The following WDR62 variants were observed in gnomAD, a reference collection of about 807,000 sequenced individuals.
WDR62 encodes the protein WD repeat-containing protein 62.
In WDR62, 112 loss-of-function variants were observed where a neutral mutation model predicts 160.6. That is an observed-to-expected ratio of 0.70 (90% confidence interval 0.60 to 0.82). The LOEUF is 0.82. WDR62 is among the 40% of genes least tolerant of loss of function. WDR62 has a pLI of 0.00. For missense variants in WDR62, 1,819 were observed against 1,983.8 expected, an observed-to-expected ratio of 0.92 and a Z score of 1.58; for synonymous variants, 792 against 815.1, an observed-to-expected ratio of 0.97 and a Z score of 0.48.
At chr19:36,092,271 A>G (rs1403478261) in intron 18 of WDR62, among the ~76,000 whole-genome samples, 1 of 151,510 alleles carries the variant, frequency 6.6e-6, no homozygotes, top group African/African-American at 2.4e-5. Context: ...AGATCGCGTC[A>G]CTGCACCCTA....
chr19:36,079,639 A>G (rs991414457), intron 9 of WDR62, among the ~76,000 whole-genome samples: 4 of 152,096 alleles, frequency 2.6e-5, no homozygotes, highest in African/African-American at 9.7e-5. Flanking sequence ...AAACCCTCCT[A>G]CTTTCAGCTG....
Position 36,103,726 on chromosome 19 carries a change from A to T in WDR62, c.3898A>T (p.Thr1300Ser). ...NHEARANLRL[T>S]LSSACDGLLQ... The stretch of plus-strand genomic sequence containing the variant: ...CGAGGCCCGGGCCAACCTGAGACTG[A>T]CCCTGTCAAGTGCCTGTGATGGGCT... Residue 1300 changes from threonine to serine, a missense_variant, in exon 30 of 32, where the codon ACC (threonine) becomes TCC (serine). Thr to Ser is a moderately conservative substitution (Grantham distance 58, BLOSUM62 1). Coordinates refer to ENST00000401500, the MANE Select transcript of WDR62 (RefSeq NM_001083961.2). 1 of 1,610,950 alleles carries T rather than the reference A, an allele frequency of 6.2e-7. No homozygotes were observed. Among genetic ancestry groups the T allele is most frequent in the South Asian group, 1.1e-5 (1 of 91,056 alleles).
intron 19 of WDR62, among the ~76,000 whole-genome samples, chr19:36,093,449 G>T (rs182401357): frequency 6.6e-6 from 1 of 152,292 alleles, no homozygotes; most frequent in Non-Finnish European, 1.5e-5. Flanking sequence ...TTTGGTTTGG[G>T]TATTGCTCAT....
intron 13 of WDR62, among the ~76,000 whole-genome samples, chr19:36,087,235 C>G (rs1018117082): frequency 6.7e-6 from 1 of 149,528 alleles, no homozygotes; most frequent in African/African-American, 2.5e-5. Flanking sequence ...GGCCAGGTAC[C>G]ATGGCTCACA....
chr19:36,073,230 A>C, intron 8 of WDR62, 112 bp from the exon 9 acceptor site: 1 of 1,022,694 alleles, frequency 9.8e-7, no homozygotes, highest in South Asian at 1.3e-5. Flanking sequence ...ATGGATGGCC[A>C]CAAATACCAT....
intron 3 of WDR62, among the ~76,000 whole-genome samples, chr19:36,063,861 A>T (rs1406090997): frequency 6.6e-6 from 1 of 152,220 alleles, no homozygotes; most frequent in Non-Finnish European, 1.5e-5. Context: ...CTTGTTCCTC[A>T]CCAAACTTTC....
downstream of WDR62, among the ~76,000 whole-genome samples, chr19:36,108,698 T>A (rs186074379): frequency 1.8e-4 from 27 of 151,708 alleles, 1 homozygote; most frequent in South Asian, 3.8e-3. Context: ...TACAAAAAAT[T>A]TTAAAATTAG....
downstream of WDR62, among the ~76,000 whole-genome samples, chr19:36,105,694 T>C (rs565178519): frequency 6.6e-6 from 1 of 152,032 alleles, no homozygotes; most frequent in African/African-American, 2.4e-5. Flanking sequence ...ATTTCATGTA[T>C]TTATTTATTT....
rs762764347 is a variant in WDR62, at chr19:36,105,047, G to T, written c.*19G>T. On this transcript the variant is annotated 3_prime_UTR_variant, in exon 32 of 32. Coordinates refer to ENST00000401500, the MANE Select transcript of WDR62 (RefSeq NM_001083961.2). ...GCACTGAGGGCGCAGCCCCTCCACCGCAGCCCTGCTGCTTCTGAGGACTTA... is the reference window on the plus strand; with the variant it reads ...GCACTGAGGGCGCAGCCCCTCCACCTCAGCCCTGCTGCTTCTGAGGACTTA... 1.2e-5 allele frequency: 19 copies of T among 1,589,586 alleles called. No homozygotes were observed. Among genetic ancestry groups the T allele is most frequent in the Non-Finnish European group, 1.5e-5 (18 of 1,174,786 alleles).
At chr19:36,090,953 T>C (rs539401814) in intron 16 of WDR62, among the ~76,000 whole-genome samples, 67 of 152,382 alleles carry the variant, frequency 4.4e-4, no homozygotes, top group African/African-American at 1.5e-3. Context: ...CACAGACAGC[T>C]TGTCTCATAG....
downstream of WDR62, among the ~76,000 whole-genome samples, chr19:36,108,211 T>C (rs1475642153): frequency 6.6e-6 from 1 of 152,018 alleles, no homozygotes; most frequent in Non-Finnish European, 1.5e-5. Flanking sequence ...ATTGTCCAAA[T>C]CCTACTGGAA....
At chr19:36,090,139 AGG>A (rs1972502144) in intron 15 of WDR62, among the ~76,000 whole-genome samples, 1 of 152,198 alleles carries the variant, frequency 6.6e-6, no homozygotes, top group Non-Finnish European at 1.5e-5. Flanking sequence ...GGAGCGAGCC[AGG>A]GGGAGGCAGA....
intron 9 of WDR62, among the ~76,000 whole-genome samples, chr19:36,079,059 CT>C (rs1319107084): frequency 1.3e-5 from 2 of 151,378 alleles, no homozygotes; most frequent in African/African-American, 2.4e-5. Context: ...TCTGTCTTTT[CT>C]TTTTTTTGTG....
Position 36,090,538 on chromosome 19 carries a change from CCTGT to C in WDR62, c.2034+26_2034+29del, listed in dbSNP as rs752786579. 1.9e-6 allele frequency: 3 copies of C among 1,613,314 alleles called. No individual in the cohort carries two copies. The highest frequency in any genetic ancestry group is 3.3e-5 in the Admixed American group (2 of 60,012). On this transcript the variant is annotated intron_variant, in intron 16 of 31. Transcript: ENST00000401500. ...TGCTGAAGGTGAGGAGTTGGAGACC[CCTGT>C]CTGTCTGCTGCCCTGATGGGCCACC...
At chr19:36,086,148 A>G (rs1289085737) in intron 12 of WDR62, among the ~76,000 whole-genome samples, 1 of 151,934 alleles carries the variant, frequency 6.6e-6, no homozygotes, top group African/African-American at 2.4e-5. Context: ...CTTGAAACAT[A>G]TCTTCACTCG....
In WDR62 at chr19:36,085,414, C is replaced by T. The variant is rs867714572; in HGVS notation, c.1642+670C>T. ...TAGGGCATGAGCCACCACACCTGAC[C>T]TTTTTTTTTTTTTTTTTTTTTTTGA... On this transcript the variant is annotated intron_variant, in intron 12 of 31. Transcript: ENST00000401500. 1.1e-3 allele frequency among the ~76,000 whole-genome samples: 78 copies of T among 70,402 alleles called. 1 individual carries two copies. Among genetic ancestry groups the T allele is most frequent in the Middle Eastern group, 0.017 (2 of 118 alleles). The allele number at this position is 70,402 out of a possible 152,430, so 46.2% of individuals were successfully genotyped here. A position where few individuals can be genotyped will look rare whatever the true frequency, so the allele number is the denominator to read the frequency against.
chr19:36,066,532 C>T, intron 5 of WDR62, 105 bp downstream of exon 5: 1 of 1,289,758 alleles, frequency 7.8e-7, no homozygotes, highest in South Asian at 1.3e-5. Flanking sequence ...AGTGCTCACT[C>T]ACCCAACAGA....
chr19:36,071,383 G>C (rs1473135128), intron 7 of WDR62, among the ~76,000 whole-genome samples, 173 bp from the exon 8 acceptor site: 1 of 152,118 alleles, frequency 6.6e-6, no homozygotes, highest in East Asian at 1.9e-4. Flanking sequence ...TTCAATAGCA[G>C]CAGTATGCTA....
chr19:36,103,243 T>C, intron 29 of WDR62, 36 bp downstream of exon 29: 1 of 1,612,420 alleles, frequency 6.2e-7, no homozygotes. Context: ...AGTCCTGGGT[T>C]TCTCGGCGAG....
Sources: gnomAD v4.1 joint callset for allele counts (sites outside exome capture counted in the v4.1 genomes callset) on GRCh38, gnomAD v4.1.1 for gene constraint, MANE v1.5 for transcripts, NCBI Gene and HGNC (gene_info 2026-07-23, HGNC 2026-07-21) for gene names.